The following NCEH1 variants were observed in gnomAD, a reference collection of about 807,000 sequenced individuals.
NCEH1 encodes the protein neutral cholesterol ester hydrolase 1.
A neutral mutation model predicts 25.4 loss-of-function variants in NCEH1; 9 were observed. The ratio of observed to expected loss-of-function variants is 0.35; its 90% CI spans 0.21 to 0.62. The LOEUF is 0.62. Ranked by LOEUF, NCEH1 falls within the 20% of genes least tolerant of loss-of-function variation. The probability of loss-of-function intolerance (pLI) is 0.72; values close to 1 mark genes in which losing one functional copy is unlikely to be tolerated. For synonymous variants in NCEH1, 200 were observed against 199.8 expected (o/e 1.00, Z -0.01); for missense variants, 412 against 501.1 (o/e 0.82, Z 1.70).
At chr3:172,700,608 A>G (rs1414538653) in intron 1 of NCEH1, among the ~76,000 whole-genome samples, 1 of 152,202 alleles carries the variant, frequency 6.6e-6, no homozygotes, top group East Asian at 1.9e-4. Context: ...CCTAGGCTCA[A>G]GAGATCCTCA....
chr3:172,674,738 T>C (rs1457585877), intron 1 of NCEH1, among the ~76,000 whole-genome samples: 1 of 152,212 alleles, frequency 6.6e-6, no homozygotes, highest in Non-Finnish European at 1.5e-5. Flanking sequence ...CTATTCGCAA[T>C]AGAACTATAC....
intron 1 of NCEH1, among the ~76,000 whole-genome samples, chr3:172,681,772 T>TGGC (rs546585960): frequency 1.1e-3 from 161 of 149,338 alleles, no homozygotes; most frequent in African/African-American, 3.8e-3. Context: ...CCAGGCATGA[T>TGGC]GGCGGATGCC....
intron 3 of NCEH1, among the ~76,000 whole-genome samples, chr3:172,645,160 T>C (rs900534366): frequency 1.3e-5 from 2 of 152,122 alleles, no homozygotes; most frequent in African/African-American, 4.8e-5. Context: ...CAACCCAAAA[T>C]ATTAATATTA....
chr3:172,656,138 G>A (rs903209891), intron 1 of NCEH1, among the ~76,000 whole-genome samples: 12 of 152,158 alleles, frequency 7.9e-5, no homozygotes, highest in Non-Finnish European at 1.6e-4. Context: ...GTAATGGGTT[G>A]CAAAGTGAGC....
intron 1 of NCEH1, among the ~76,000 whole-genome samples, chr3:172,652,222 C>G (rs975004021): frequency 1.2e-4 from 19 of 152,220 alleles, no homozygotes; most frequent in African/African-American, 4.6e-4. Context: ...CAGAATGATT[C>G]TGTGTGCCCA....
At chr3:172,685,551 C>T (rs930417990) in intron 1 of NCEH1, among the ~76,000 whole-genome samples, 4 of 152,198 alleles carry the variant, frequency 2.6e-5, no homozygotes, top group Non-Finnish European at 4.4e-5. Context: ...GTTACAGACA[C>T]GTTCAGACAA....
intron 3 of NCEH1, among the ~76,000 whole-genome samples, chr3:172,639,505 A>G (rs935455197): frequency 6.6e-6 from 1 of 152,194 alleles, no homozygotes; most frequent in Non-Finnish European, 1.5e-5. Context: ...ATACATAAAT[A>G]TATCTGCTCT....
intron 1 of NCEH1, among the ~76,000 whole-genome samples, chr3:172,705,689 C>T (rs1317970168): frequency 6.6e-6 from 1 of 152,044 alleles, no homozygotes; most frequent in East Asian, 1.9e-4. Flanking sequence ...CCCTTGTATG[C>T]AAGCCCCTAA....
intron 1 of NCEH1, among the ~76,000 whole-genome samples, chr3:172,708,616 C>G (rs1011794040): frequency 2.6e-5 from 4 of 152,204 alleles, no homozygotes; most frequent in African/African-American, 9.6e-5. Flanking sequence ...CTCGGCCTCC[C>G]AAAGTGCTGG....
chr3:172,686,559 C>G (rs115504448), intron 1 of NCEH1, among the ~76,000 whole-genome samples: 1 of 152,046 alleles, frequency 6.6e-6, no homozygotes, highest in Non-Finnish European at 1.5e-5. Context: ...ATGTGATGCT[C>G]GATACTGGGA....
intron 1 of NCEH1, among the ~76,000 whole-genome samples, chr3:172,672,913 T>C (rs1711724944): frequency 2.0e-5 from 3 of 152,308 alleles, no homozygotes; most frequent in Non-Finnish European, 4.4e-5. Context: ...TCCCCAGATA[T>C]GGAGGTCACT....
chr3:172,651,018 C>G (rs1318606173), intron 1 of NCEH1, among the ~76,000 whole-genome samples: 1 of 152,168 alleles, frequency 6.6e-6, no homozygotes, highest in African/African-American at 2.4e-5. Flanking sequence ...TTGATATGAA[C>G]AGTAACCTGT....
rs1553830405 is a variant in NCEH1, at chr3:172,653,766, T to TG, written c.139-5653_139-5652insC. Among the ~76,000 whole-genome samples, 10 of 40,218 alleles carry TG rather than the reference T, an allele frequency of 2.5e-4. 1 individual carries two copies. Among genetic ancestry groups the TG allele is most frequent in the South Asian group, 2.0e-3 (2 of 1,004 alleles). The allele number at this position is 40,218 out of a possible 152,430, so 26.4% of individuals were successfully genotyped here. A position where few individuals can be genotyped will look rare whatever the true frequency, so the allele number is the denominator to read the frequency against. ...TTTGTTTTTTTGTTTTTTTGTTTTT[T>TG]TTTTTTTTTGAGACAGAGTCTCCCT... On this transcript the variant is annotated intron_variant, in intron 1 of 4. Transcript: ENST00000475381.
At chr3:172,665,496 C>G (rs11924332) in intron 1 of NCEH1, among the ~76,000 whole-genome samples, 73,351 of 152,088 alleles carry the variant, frequency 0.48, 20,076 homozygotes, top group African/African-American at 0.77. Context: ...CATGCTGGGA[C>G]AACCACTACT....
chr3:172,670,169 C>T lies in NCEH1; in HGVS notation c.139-22055G>A, dbSNP rs140935739. 9.1e-3 allele frequency among the ~76,000 whole-genome samples: 1,382 copies of T among 152,232 alleles called. 16 individuals carry two copies. Among genetic ancestry groups the T allele is most frequent in the African/African-American group, 0.031 (1,297 of 41,514 alleles). ...ATTTTTAATCAACAGTGTTGTCAGA[C>T]ATTTCAATGATTCTGAACATAATAT... is the stretch of plus-strand genomic sequence containing the variant. On this transcript the variant is annotated intron_variant, in intron 1 of 4. Coordinates refer to ENST00000475381, the MANE Select transcript of NCEH1 (RefSeq NM_020792.6).
chr3:172,633,659 T>C lies in NCEH1; in HGVS notation c.1043A>G (p.Asp348Gly). 1 of 1,614,158 alleles carries C rather than the reference T, an allele frequency of 6.2e-7. No individual in the cohort carries two copies. Among genetic ancestry groups the C allele is most frequent in the South Asian group, 1.1e-5 (1 of 91,078 alleles). ...CATGATGCCATCGTCTCTGAGGACA[T>C]CATGCTCACACGTCAGAATGTAGGT... Reference protein sequence around the residue: ...PKTYILTCEHDVLRDDGIMYA... With the variant: ...PKTYILTCEHGVLRDDGIMYA... Residue 348 changes from aspartate to glycine, a missense_variant, in exon 5 of 5, where the codon GAT becomes GGT. By Grantham distance (94) the Asp-to-Gly change is moderately conservative. This residue lies in a region of NCEH1 where 210 missense variants were observed against 258.2 expected (regional missense o/e 0.81). Coordinates refer to ENST00000475381, the MANE Select transcript of NCEH1 (RefSeq NM_020792.6).
intron 1 of NCEH1, among the ~76,000 whole-genome samples, chr3:172,694,486 A>G (rs11925476): frequency 0.06 from 9,152 of 152,122 alleles, 927 homozygotes; most frequent in African/African-American, 0.21. Flanking sequence ...TTTAATCACA[A>G]CCTATAAACT....
At chr3:172,657,728 A>G (rs1717766942) in intron 1 of NCEH1, among the ~76,000 whole-genome samples, 1 of 152,216 alleles carries the variant, frequency 6.6e-6, no homozygotes, top group Non-Finnish European at 1.5e-5. Context: ...AGAAAAATCT[A>G]AAGTTGGCAT....
chr3:172,635,795 G>T, intron 4 of NCEH1, 121 bp downstream of exon 4: 1 of 772,708 alleles, frequency 1.3e-6, no homozygotes, highest in Non-Finnish European at 2.2e-6. Flanking sequence ...TGAACAATTT[G>T]GCCATCTAGT....
Sources: allele counts gnomAD v4.1 joint callset (sites outside exome capture counted in the v4.1 genomes callset), GRCh38; gene constraint gnomAD v4.1.1; regional missense constraint gnomAD v4.1.1; transcripts MANE v1.5; gene names NCBI Gene and HGNC (gene_info 2026-07-23, HGNC 2026-07-21).